ANKAR: variants seen among roughly 807,000 people sequenced by gnomAD.
The protein encoded by ANKAR is ankyrin and armadillo repeat containing.
A neutral mutation model predicts 146.2 loss-of-function variants in ANKAR; 136 were observed. That is an observed-to-expected ratio of 0.93 (90% CI 0.81 to 1.07). ANKAR has a LOEUF of 1.07. Ranked by LOEUF, ANKAR falls within the 50% of genes least tolerant of loss-of-function variation. ANKAR has a pLI of 0.00. For missense variants in ANKAR, 1,567 were observed against 1,679.9 expected (o/e 0.93, Z 1.18); for synonymous variants, 500 against 575.8 (o/e 0.87, Z 1.88).
chr2:189,731,635 G>T (rs554444593), intron 16 of ANKAR, among the ~76,000 whole-genome samples: 94 of 151,934 alleles, frequency 6.2e-4, no homozygotes, highest in African/African-American at 2.1e-3. Flanking sequence ...GCCTCCCAAA[G>T]TGCTGGGATT....
chr2:189,676,825 A>G lies in ANKAR; in HGVS notation c.335A>G (p.Tyr112Cys). Reference protein sequence around the residue: ...QMIRELAIGIYCLNQIPSISL... With the variant: ...QMIRELAIGICCLNQIPSISL... Reference sequence around the variant, plus strand: ...ATAAGAGAGTTGGCTATTGGAATTTATTGCCTAAATCAAATCCCTTCCATC... The same window carrying G: ...ATAAGAGAGTTGGCTATTGGAATTTGTTGCCTAAATCAAATCCCTTCCATC... The change falls in exon 2 of 23, where the codon TAT (tyrosine) becomes TGT (cysteine). Residue 112 changes from tyrosine (Y) to cysteine (C), a missense_variant. Coordinates refer to ENST00000684021, the MANE Select transcript of ANKAR (RefSeq NM_001378068.1). The G allele has an allele frequency of 6.2e-7, 1 of 1,614,204 alleles. No individual in the cohort carries two copies. Among genetic ancestry groups the G allele is most frequent in the Non-Finnish European group, 8.5e-7 (1 of 1,180,024 alleles).
chr2:189,682,786 G>A (rs1170553616), intron 2 of ANKAR, among the ~76,000 whole-genome samples: 1 of 152,188 alleles, frequency 6.6e-6, no homozygotes, highest in Non-Finnish European at 1.5e-5. Flanking sequence ...AAAGGAGGGA[G>A]CATCAACCCA....
rs889299926 is a variant in ANKAR at position 189,755,368 on chromosome 2, T to A, written c.*585-5730T>A. 4 of 1,613,566 alleles carry A rather than the reference T, an allele frequency of 2.5e-6. No homozygotes were observed. In the African/African-American group the frequency reaches 5.3e-5, roughly 22 times the overall value. On this transcript the variant is annotated intron_variant and NMD_transcript_variant, in intron 18 of 18. Coordinates refer to the ANKAR transcript ENST00000441800. ...GATGAATGGGAATGAATGGCTTTTT[T>A]AACTGTCCTACCAGCTGTAAGCTAA...
At chr2:189,730,662 A>G in intron 16 of ANKAR, 61 bp downstream of exon 16, 1 of 819,910 alleles carries the variant, frequency 1.2e-6, no homozygotes, top group Non-Finnish European at 1.8e-6. Flanking sequence ...TTTTAAGAAA[A>G]TTTTGTATCT....
chr2:189,749,086 A>G (rs546062411), downstream of ANKAR, among the ~76,000 whole-genome samples: 253 of 151,996 alleles, frequency 1.7e-3, 2 homozygotes, highest in Non-Finnish European at 2.8e-3. Context: ...CTCTACTAAA[A>G]ATACAAAAAA....
At chr2:189,718,138 C>G (rs1459911665) in intron 10 of ANKAR, among the ~76,000 whole-genome samples, 1 of 152,122 alleles carries the variant, frequency 6.6e-6, no homozygotes, top group African/African-American at 2.4e-5. Context: ...ATAGCACTGT[C>G]CAGAATAACT....
chr2:189,716,506 C>T (rs2040478745), intron 10 of ANKAR, among the ~76,000 whole-genome samples: 1 of 152,032 alleles, frequency 6.6e-6, no homozygotes, highest in African/African-American at 2.4e-5. Context: ...TGAAAATGGC[C>T]ATACTGCCCA....
chr2:189,748,586 G>A (rs2044548808), downstream of ANKAR, among the ~76,000 whole-genome samples: 1 of 152,186 alleles, frequency 6.6e-6, no homozygotes, highest in Non-Finnish European at 1.5e-5. Context: ...TCTTAATGGT[G>A]CTGAGTCACA....
rs2033783408 is a variant in ANKAR at position 189,676,937 on chromosome 2, T to C, written c.447T>C (p.Asn149=). Residue 149 remains asparagine, a synonymous_variant, in exon 2 of 23, where the codon AAT becomes AAC. Transcript: ENST00000684021. ...CCAGAATTGGGCAAATTCTGATCAATATTGACTACATGCTGAAAGCACTAT... is the reference window on the plus strand; with the variant it reads ...CCAGAATTGGGCAAATTCTGATCAACATTGACTACATGCTGAAAGCACTAT... The part of the protein sequence containing the change: ...YDTRIGQILI[N]IDYMLKALWH... 6.2e-7 allele frequency: 1 copy of C among 1,614,120 alleles called. No homozygotes were observed. The highest frequency in any genetic ancestry group is 2.2e-5 in the East Asian group (1 of 44,872).
chr2:189,749,566 T>C (rs1389688276), downstream of ANKAR, among the ~76,000 whole-genome samples: 1 of 152,028 alleles, frequency 6.6e-6, no homozygotes, highest in Non-Finnish European at 1.5e-5. Context: ...CCAAAAAAAC[T>C]CCCTCATTTA....
At chr2:189,707,209 TGAAA>T in intron 9 of ANKAR, 63 bp downstream of exon 9, 1 of 845,856 alleles carries the variant, frequency 1.2e-6, no homozygotes, top group Middle Eastern at 3.9e-4. Flanking sequence ...ATTGATACTC[TGAAA>T]GAGAGAAAAT....
At chr2:189,714,403 C>G (rs766485688) in intron 10 of ANKAR, among the ~76,000 whole-genome samples, 28 of 152,174 alleles carry the variant, frequency 1.8e-4, no homozygotes, top group South Asian at 4.1e-4. Context: ...GAAATCACAA[C>G]AAACTGTCTC....
rs117387200 is a variant in ANKAR, at chr2:189,691,352, G to A, written c.1040-903G>A. On this transcript the variant is annotated intron_variant, in intron 3 of 22. Transcript: ENST00000684021. ...ATTACAGGCATGAGCCGCCGCGCCC[G>A]GGAGAGAAAATTATTTTTAAAAATA... 1.0e-3 allele frequency among the ~76,000 whole-genome samples: 154 copies of A among 152,254 alleles called. 1 individual carries two copies. In the East Asian group the frequency reaches 0.028, roughly 27 times the overall value.
intron 13 of ANKAR, 60 bp from the exon 14 acceptor site, chr2:189,728,207 A>T: frequency 6.6e-7 from 1 of 1,512,026 alleles, no homozygotes; most frequent in Non-Finnish European, 8.9e-7. Context: ...TTTATAAAAT[A>T]TGCATTCCTA....
At chr2:189,753,031 GCTGCTA>G in intron 18 of ANKAR, 1 of 1,488,996 alleles carries the variant, frequency 6.7e-7, no homozygotes, top group African/African-American at 1.4e-5. Context: ...TATGAACCAA[GCTGCTA>G]ATTAAACCTG....
At position 189,705,152 on chromosome 2, in the gene ANKAR, A is replaced by G. The variant is rs772172022; in HGVS notation, c.1838A>G (p.Tyr613Cys). 20 of 1,614,074 alleles carry G rather than the reference A, an allele frequency of 1.2e-5. No homozygotes were observed. Among genetic ancestry groups the G allele is most frequent in the Non-Finnish European group, 1.6e-5 (19 of 1,180,036 alleles). ...GWMPIHFAAFYDNVCIIIALC... is the reference protein window; with the variant it reads ...GWMPIHFAAFCDNVCIIIALC... ...ATGCCGATTCACTTTGCCGCTTTCT[A>G]TGACAACGTTTGCATCATTATTGCT... The change falls in exon 8 of 23, where the codon TAT becomes TGT. Residue 613 changes from tyrosine to cysteine, a missense_variant. Physicochemically the swap from Tyr to Cys is radical, Grantham distance 194 (BLOSUM62 -2). Transcript: ENST00000684021.
intron 2 of ANKAR, among the ~76,000 whole-genome samples, chr2:189,688,945 A>AC (rs60591514): frequency 0.99 from 150,469 of 152,318 alleles, 74,357 homozygotes; most frequent in East Asian, 1. Flanking sequence ...AGCTCTAGTT[A>AC]GGCGTAGGGG....
Position 189,676,856 on chromosome 2 carries a change from A to T in ANKAR, c.366A>T (p.Leu122Phe), listed in dbSNP as rs1230295712. 7.4e-6 allele frequency: 12 copies of T among 1,614,118 alleles called. No homozygotes were observed. ...TAAATCAAATCCCTTCCATCAGTTTAGAAGCTAATTATGATCAGAGTTCTT... is the reference window on the plus strand; with the variant it reads ...TAAATCAAATCCCTTCCATCAGTTTTGAAGCTAATTATGATCAGAGTTCTT... ...YCLNQIPSIS[L>F]EANYDQSSSC... Residue 122 changes from leucine (L) to phenylalanine (F), a missense_variant, in exon 2 of 23, where the codon TTA becomes TTT. Coordinates refer to ENST00000684021, the MANE Select transcript of ANKAR (RefSeq NM_001378068.1).
At chr2:189,742,955 C>G (rs2043570170) in intron 20 of ANKAR, among the ~76,000 whole-genome samples, 1 of 143,752 alleles carries the variant, frequency 7.0e-6, no homozygotes, top group Non-Finnish European at 1.5e-5. Context: ...CACACACACA[C>G]ACACACACAC....
Sources: gnomAD v4.1 joint callset for allele counts (sites outside exome capture counted in the v4.1 genomes callset) on GRCh38, gnomAD v4.1.1 for gene constraint, MANE v1.5 for transcripts, NCBI Gene and HGNC (gene_info 2026-07-23, HGNC 2026-07-21) for gene names.